DGKB: variants seen among roughly 807,000 people sequenced by gnomAD.
DGKB encodes the protein diacylglycerol kinase beta, also known as 90 kDa diacylglycerol kinase.
In DGKB, 67 loss-of-function variants were observed where a neutral mutation model predicts 114.3. That is an observed-to-expected ratio of 0.59 (90% confidence interval 0.48 to 0.72). The LOEUF (loss-of-function observed/expected upper bound fraction) is 0.72, where lower values mean the gene tolerates loss of function less well. Among genes scored for constraint, DGKB ranks in the 30% least tolerant of loss-of-function variants. The probability of loss-of-function intolerance (pLI) is 0.00; values close to 1 mark genes in which losing one functional copy is unlikely to be tolerated. For missense variants in DGKB, 907 were observed against 975.2 expected, an observed-to-expected ratio of 0.93 and a Z score of 0.93; for synonymous variants, 398 against 323.1, an observed-to-expected ratio of 1.23 and a Z score of -2.49.
At position 14,682,770 on chromosome 7, in the gene DGKB, A is replaced by T. The variant is rs1563897660; in HGVS notation, c.901T>A (p.Ser301Thr). 1.2e-6 allele frequency: 2 copies of T among 1,611,898 alleles called. No individual in the cohort carries two copies. Among genetic ancestry groups the T allele is most frequent in the Non-Finnish European group, 1.7e-6 (2 of 1,178,728 alleles). The change falls in exon 11 of 26, where the codon TCC becomes ACC. Residue 301 changes from serine to threonine, a missense_variant. Physicochemically the swap from Ser to Thr is moderately conservative, Grantham distance 58. Transcript: ENST00000402815. ...PPSCIKTYVKSKRNTDVMHHY... is the reference protein window; with the variant it reads ...PPSCIKTYVKTKRNTDVMHHY... ...AAACTTACATCAGTGTTCCTTTTGG[A>T]CTTCACATAGGTCTTGATGCAAGAG...
At chr7:14,353,779 AAATAAAGGAGGT>A (rs1347484846) in intron 21 of DGKB, among the ~76,000 whole-genome samples, 9 of 152,194 alleles carry the variant, frequency 5.9e-5, no homozygotes, top group African/African-American at 2.2e-4. Context: ...GTAGTGGCTG[AAATAAAGGAGGT>A]AAAGTAGAGA....
intron 1 of DGKB, among the ~76,000 whole-genome samples, chr7:14,908,632 G>T (rs1285326126): frequency 6.6e-6 from 1 of 152,030 alleles, no homozygotes; most frequent in African/African-American, 2.4e-5. Flanking sequence ...TGGCTGAGTT[G>T]GGGAGGGCCT....
rs866934475 is a variant in DGKB at position 14,653,344 on chromosome 7, C to T, written c.1134+19585G>A. On this transcript the variant is annotated intron_variant, in intron 13 of 25. Coordinates refer to ENST00000402815, the MANE Select transcript of DGKB (RefSeq NM_001350709.2). ...GCAGCCATAAAAAATGATGAGTTCA[C>T]GTCCTTTGTAGGGACATGGATGAAA... 2.5e-4 allele frequency among the ~76,000 whole-genome samples: 38 copies of T among 152,028 alleles called. 1 individual carries two copies. The highest frequency in any genetic ancestry group is 7.5e-4 in the African/African-American group (31 of 41,458).
intron 4 of DGKB, among the ~76,000 whole-genome samples, chr7:14,750,810 TTTTTTTC>T (rs2128432827): frequency 7.4e-6 from 1 of 134,640 alleles, no homozygotes; most frequent in African/African-American, 3.0e-5. Context: ...TTTTTTTTTT[TTTTTTTC>T]TGAGACAGAG....
intron 17 of DGKB, among the ~76,000 whole-genome samples, chr7:14,587,125 A>G (rs1470355372): frequency 1.3e-5 from 2 of 152,276 alleles, no homozygotes; most frequent in East Asian, 1.9e-4. Context: ...GGATTTAATA[A>G]TCTAGGTGTC....
chr7:14,215,231 A>G (rs1788758522), intron 23 of DGKB, among the ~76,000 whole-genome samples: 1 of 152,114 alleles, frequency 6.6e-6, no homozygotes, highest in African/African-American at 2.4e-5. Flanking sequence ...GCAAATATAA[A>G]CAATCCCATA....
chr7:14,566,647 C>T lies in DGKB; in HGVS notation c.1770+7565G>A, dbSNP rs62443528. On this transcript the variant is annotated intron_variant, in intron 20 of 25. Transcript: ENST00000402815. ...AAAAGGCAAATATCACACCATAGTC[C>T]TACAGGAGACTTCGAGACATGGTGG... Among the ~76,000 whole-genome samples the T allele has an allele frequency of 2.1e-3, 313 of 152,196 alleles. 1 individual carries two copies. The highest frequency in any genetic ancestry group is 4.8e-3 in the South Asian group (23 of 4,820).
chr7:14,742,519 A>C (rs1832723768), intron 4 of DGKB, among the ~76,000 whole-genome samples: 1 of 152,212 alleles, frequency 6.6e-6, no homozygotes, highest in Admixed American at 6.5e-5. Context: ...GGTGGTCTAC[A>C]TTATGGAAGT....
chr7:14,620,367 A>G (rs1035834866), intron 15 of DGKB, among the ~76,000 whole-genome samples: 2 of 151,430 alleles, frequency 1.3e-5, no homozygotes, highest in African/African-American at 2.4e-5. Flanking sequence ...AATTTTAATG[A>G]CATTCAAGAT....
At chr7:14,272,916 G>T (rs1798474082) in intron 23 of DGKB, among the ~76,000 whole-genome samples, 1 of 152,198 alleles carries the variant, frequency 6.6e-6, no homozygotes, top group African/African-American at 2.4e-5. Flanking sequence ...TGAGACTAGA[G>T]AATCTATTTG....
intron 20 of DGKB, among the ~76,000 whole-genome samples, chr7:14,534,193 G>A (rs571475598): frequency 8.4e-4 from 127 of 151,960 alleles, no homozygotes; most frequent in Non-Finnish European, 1.5e-3. Context: ...AAGTATAGAG[G>A]GCTCATATAC....
intron 23 of DGKB, among the ~76,000 whole-genome samples, chr7:14,335,044 T>G (rs1332098759): frequency 6.6e-6 from 1 of 152,218 alleles, no homozygotes; most frequent in Non-Finnish European, 1.5e-5. Flanking sequence ...AATAATGTAA[T>G]TACATGAATT....
chr7:14,724,508 G>A (rs758282916), intron 5 of DGKB, among the ~76,000 whole-genome samples: 4 of 152,072 alleles, frequency 2.6e-5, no homozygotes, highest in African/African-American at 4.8e-5. Context: ...AAACCTCTCT[G>A]AGAACATACT....
At chr7:14,682,960 T>A (rs1821087911) in intron 10 of DGKB, 119 bp from the exon 11 acceptor site, 3 of 687,546 alleles carry the variant, frequency 4.4e-6, no homozygotes, top group Non-Finnish European at 7.7e-6. Flanking sequence ...ATCAATCCAA[T>A]CAGCCACATC....
chr7:14,793,602 A>G (rs553908016), intron 2 of DGKB, among the ~76,000 whole-genome samples: 1 of 152,276 alleles, frequency 6.6e-6, no homozygotes, highest in Non-Finnish European at 1.5e-5. Context: ...GATAATCAAT[A>G]ATGCTTGCCA....
intron 13 of DGKB, among the ~76,000 whole-genome samples, chr7:14,639,659 T>C (rs1811373942): frequency 6.6e-6 from 1 of 152,230 alleles, no homozygotes; most frequent in Non-Finnish European, 1.5e-5. Context: ...GCCCTAAAGG[T>C]ACGGGCCAAG....
At chr7:14,478,103 C>A (rs1782461063) in intron 21 of DGKB, 58 bp downstream of exon 21, 1 of 1,248,312 alleles carries the variant, frequency 8.0e-7, no homozygotes, top group Non-Finnish European at 1.1e-6. Context: ...ATCTAGTGAT[C>A]TTTTTATGGC....
At chr7:14,577,683 C>G (rs572924789) in intron 19 of DGKB, among the ~76,000 whole-genome samples, 1 of 152,038 alleles carries the variant, frequency 6.6e-6, no homozygotes, top group South Asian at 2.1e-4. Flanking sequence ...ACAAGATTTT[C>G]CTTGCAATTA....
At chr7:14,830,649 C>T (rs773301596) in intron 2 of DGKB, among the ~76,000 whole-genome samples, 3 of 151,964 alleles carry the variant, frequency 2.0e-5, no homozygotes, top group Non-Finnish European at 4.4e-5. Flanking sequence ...AGTTTTTCAT[C>T]ATTTGGCAGC....
Sources: gnomAD v4.1 joint callset for allele counts (sites outside exome capture counted in the v4.1 genomes callset) on GRCh38, gnomAD v4.1.1 for gene constraint, MANE v1.5 for transcripts, NCBI Gene and HGNC (gene_info 2026-07-23, HGNC 2026-07-21) for gene names.